The following TENM3 variants were observed in gnomAD, a reference collection of about 807,000 sequenced individuals.
TENM3 encodes the protein teneurin-3.
In TENM3, 63 loss-of-function variants were observed where a neutral mutation model predicts 255.1. That is an observed-to-expected ratio of 0.25 (90% CI 0.20 to 0.30). The LOEUF is 0.30. Among genes scored for constraint, TENM3 ranks in the 10% least tolerant of loss-of-function variants. The pLI is 1.00. For synonymous variants in TENM3, 1,306 were observed against 1,322.3 expected (o/e 0.99, Z 0.27); for missense variants, 2,929 against 3,461.1 (o/e 0.85, Z 3.86).
At chr4:182,429,937 C>T (rs1480895830) in intron 3 of TENM3, among the ~76,000 whole-genome samples, 6 of 152,130 alleles carry the variant, frequency 3.9e-5, no homozygotes, top group Admixed American at 1.3e-4. Flanking sequence ...ATTTTACAGA[C>T]ATATTTGAGG....
At chr4:182,687,691 A>C (rs562927828) in intron 11 of TENM3, among the ~76,000 whole-genome samples, 1 of 152,326 alleles carries the variant, frequency 6.6e-6, no homozygotes, top group East Asian at 1.9e-4. Context: ...AAACATTTAA[A>C]TGTGGCATTA....
chr4:182,710,437 C>T (rs1488617167), intron 12 of TENM3, among the ~76,000 whole-genome samples: 1 of 152,090 alleles, frequency 6.6e-6, no homozygotes, highest in Non-Finnish European at 1.5e-5. Context: ...GCACCTAACA[C>T]CATATGTTCT....
intron 3 of TENM3, among the ~76,000 whole-genome samples, chr4:182,387,772 C>A (rs1184699644): frequency 2.6e-5 from 4 of 151,918 alleles, no homozygotes; most frequent in Non-Finnish European, 5.9e-5. Context: ...AAGGAAAAAA[C>A]TCCGAACACA....
intron 2 of TENM3, among the ~76,000 whole-genome samples, chr4:182,325,414 G>A (rs1763327858): frequency 6.6e-6 from 1 of 152,158 alleles, no homozygotes; most frequent in African/African-American, 2.4e-5. Context: ...ATTCGCTAAG[G>A]AGAGATTTTT....
the TENM3 span, among the ~76,000 whole-genome samples, chr4:181,847,486 A>G: frequency 6.6e-6 from 1 of 152,130 alleles, no homozygotes; most frequent in Non-Finnish European, 1.5e-5. Flanking sequence ...TTCAGAAAAA[A>G]TTAAATCCCC....
the TENM3 span, among the ~76,000 whole-genome samples, chr4:181,901,125 C>T: frequency 1.1e-3 from 165 of 152,282 alleles, no homozygotes; most frequent in African/African-American, 3.7e-3. Flanking sequence ...CATAGCCCTT[C>T]TATAACTAAG....
the TENM3 span, among the ~76,000 whole-genome samples, chr4:181,884,544 G>A: frequency 6.6e-6 from 1 of 151,972 alleles, no homozygotes; most frequent in East Asian, 1.9e-4. Context: ...TCATATAAGT[G>A]GAATAATACA....
chr4:182,474,021 G>A (rs1733421364), intron 3 of TENM3, among the ~76,000 whole-genome samples: 1 of 152,274 alleles, frequency 6.6e-6, no homozygotes, highest in South Asian at 2.1e-4. Context: ...GATGAGATGA[G>A]GTGGTAATTA....
the TENM3 span, among the ~76,000 whole-genome samples, chr4:181,804,277 A>C: frequency 0.089 from 13,519 of 152,224 alleles, 717 homozygotes; most frequent in East Asian, 0.16. Flanking sequence ...ATAATACAAA[A>C]TTTGTATTGT....
chr4:182,473,440 A>G lies in TENM3; in HGVS notation c.511+126511A>G, dbSNP rs571871987. ...TGTAATCCCAGCACTTTGGGAGGCC[A>G]AGGCGGGTGGATCACGAAGTCAGGA... On this transcript the variant is annotated intron_variant, in intron 3 of 27. Transcript: ENST00000511685. Among the ~76,000 whole-genome samples the G allele has an allele frequency of 4.1e-3, 622 of 152,300 alleles. 1 individual carries two copies. The highest frequency in any genetic ancestry group is 8.6e-3 in the African/African-American group (358 of 41,566).
the TENM3 span, among the ~76,000 whole-genome samples, chr4:181,738,321 A>G: frequency 2.0e-5 from 3 of 152,180 alleles, no homozygotes; most frequent in African/African-American, 7.2e-5. Flanking sequence ...TATAACACCA[A>G]TGAGAAACAG....
chr4:182,413,890 AAC>A (rs1187547757), intron 3 of TENM3, among the ~76,000 whole-genome samples: 2 of 152,206 alleles, frequency 1.3e-5, no homozygotes, highest in East Asian at 1.9e-4. Flanking sequence ...ACCTAGTGAG[AAC>A]ACAGTCTTGT....
intron 3 of TENM3, among the ~76,000 whole-genome samples, chr4:182,392,711 C>T (rs927574451): frequency 6.6e-6 from 1 of 152,080 alleles, no homozygotes; most frequent in African/African-American, 2.4e-5. Context: ...CAGGTGTGAA[C>T]AGTAGAGAAA....
chr4:181,985,328 A>G, the TENM3 span, among the ~76,000 whole-genome samples: 4 of 152,088 alleles, frequency 2.6e-5, no homozygotes, highest in East Asian at 1.9e-4. Flanking sequence ...AGAAAAAAAA[A>G]AAATAGACTA....
chr4:182,051,337 A>G, the TENM3 span, among the ~76,000 whole-genome samples: 1 of 146,292 alleles, frequency 6.8e-6, no homozygotes, highest in African/African-American at 2.5e-5. Flanking sequence ...GAGCAAAACT[A>G]CTTCTCAAAA....
At chr4:181,625,598 G>T in the TENM3 span, among the ~76,000 whole-genome samples, 5 of 152,068 alleles carry the variant, frequency 3.3e-5, no homozygotes, top group African/African-American at 1.2e-4. Flanking sequence ...TGATCACGAG[G>T]TCAAGAGATT....
the TENM3 span, among the ~76,000 whole-genome samples, chr4:181,622,909 G>A: frequency 4.0e-4 from 61 of 152,084 alleles, 1 homozygote; most frequent in Admixed American, 2.5e-3. Context: ...ATTCTTAACT[G>A]AGGTACACAC....
At chr4:181,559,622 C>A in the TENM3 span, among the ~76,000 whole-genome samples, 2 of 152,204 alleles carry the variant, frequency 1.3e-5, no homozygotes, top group Admixed American at 1.3e-4. Context: ...CAGTGCCTGG[C>A]ATATACTAAG....
the TENM3 span, among the ~76,000 whole-genome samples, chr4:181,695,075 TG>T: frequency 1.3e-5 from 2 of 152,192 alleles, no homozygotes; most frequent in Non-Finnish European, 2.9e-5. Context: ...TATGATAAAA[TG>T]GTGGTTTCTT....
Sources: allele counts gnomAD v4.1 joint callset (sites outside exome capture counted in the v4.1 genomes callset), GRCh38; gene constraint gnomAD v4.1.1; transcripts MANE v1.5; gene names NCBI Gene and HGNC (gene_info 2026-07-23, HGNC 2026-07-21).